Variants in AGT observed in about 807,000 individuals in gnomAD.
The protein encoded by AGT is alpha-1 antiproteinase, antitrypsin.
Under a neutral mutation model 28.1 loss-of-function variants are expected in AGT, and 26 were observed. The ratio of observed to expected loss-of-function variants is 0.92; its 90% CI spans 0.68 to 1.28. The LOEUF is 1.28. Ranked by LOEUF, AGT falls within the 50% of genes most tolerant of loss-of-function variation. The pLI is 0.00. For synonymous variants in AGT, 259 were observed against 259.6 expected (o/e 1.00, Z 0.02); for missense variants, 596 against 592.3 (o/e 1.01, Z -0.06).
intron 1 of AGT, among the ~76,000 whole-genome samples, chr1:230,724,454 AAT>A (rs993830497): frequency 1.2e-4 from 18 of 152,234 alleles, no homozygotes; most frequent in African/African-American, 4.3e-4. Flanking sequence ...ATAATTAGAC[AAT>A]ATGTTTTATC....
chr1:230,721,409 A>G (rs1447795286), intron 1 of AGT, among the ~76,000 whole-genome samples: 6 of 152,252 alleles, frequency 3.9e-5, no homozygotes, highest in African/African-American at 1.4e-4. Context: ...ATGATTGCCT[A>G]TCTCTGCACT....
At position 230,703,667 on chromosome 1, in the gene AGT, G is replaced by T. The variant is rs989055893; in HGVS notation, c.1243-338C>A. 2.0e-5 allele frequency among the ~76,000 whole-genome samples: 3 copies of T among 152,236 alleles called. No homozygotes were observed. The South Asian group carries it at 6.2e-4, about 32-fold the overall frequency. On this transcript the variant is annotated intron_variant, in intron 4 of 4. Transcript: ENST00000366667. Reference sequence around the variant, plus strand: ...TTGGCCATGGCCCACCAGTGCCAGGGCTTAGCTAACTTAGCACAGAGGGCT... The same window carrying T: ...TTGGCCATGGCCCACCAGTGCCAGGTCTTAGCTAACTTAGCACAGAGGGCT...
chr1:230,719,974 G>A (rs527507588), intron 1 of AGT, among the ~76,000 whole-genome samples: 29 of 152,222 alleles, frequency 1.9e-4, no homozygotes, highest in African/African-American at 6.7e-4. Flanking sequence ...GCTCAAACCT[G>A]TCTCCCTGAG....
chr1:230,703,907 A>G (rs1440789151), intron 4 of AGT, among the ~76,000 whole-genome samples: 2 of 152,134 alleles, frequency 1.3e-5, no homozygotes, highest in Admixed American at 1.3e-4. Flanking sequence ...TTTCAACTCC[A>G]CTATAGGAAC....
At position 230,702,825 on chromosome 1, in the gene AGT, T is replaced by C. The variant is rs1803104; in HGVS notation, c.*316A>G. The C allele has an allele frequency of 3.0e-6, 1 of 328,494 alleles. No individual in the cohort carries two copies. 20.3% of individuals were successfully genotyped at this position (328,494 alleles called of 1,614,324 possible). A position where few individuals can be genotyped will look rare whatever the true frequency, so the allele number is the denominator to read the frequency against. The stretch of plus-strand genomic sequence containing the variant: ...TTTGTTTCACAAACAAGCTGGTCGG[T>C]TGGAATTCTTTTTGGAACAGTAGTC... On this transcript the variant is annotated 3_prime_UTR_variant, in exon 5 of 5. Coordinates refer to ENST00000366667, the MANE Select transcript of AGT (RefSeq NM_001384479.1).
intron 1 of AGT, among the ~76,000 whole-genome samples, chr1:230,721,083 G>A (rs1279890551): frequency 2.0e-5 from 3 of 152,238 alleles, no homozygotes. Flanking sequence ...GACTGGCAAA[G>A]GGACCGAGAA....
intron 2 of AGT, among the ~76,000 whole-genome samples, chr1:230,707,530 G>A (rs1020172234): frequency 1.5e-4 from 23 of 152,138 alleles, no homozygotes; most frequent in African/African-American, 5.1e-4. Flanking sequence ...TCCGGGTCTC[G>A]TAAGAAGGCA....
chr1:230,726,262 G>C (rs1344685145), intron 1 of AGT, among the ~76,000 whole-genome samples: 1 of 152,156 alleles, frequency 6.6e-6, no homozygotes, highest in Non-Finnish European at 1.5e-5. Context: ...GACATAGACA[G>C]TGTTATTTTC....
At chr1:230,708,287 CT>C in intron 2 of AGT, among the ~76,000 whole-genome samples, 1 of 152,324 alleles carries the variant, frequency 6.6e-6, no homozygotes, top group East Asian at 1.9e-4. Flanking sequence ...GATGTGCTCT[CT>C]TTCGAAGGGA....
intron 1 of AGT, among the ~76,000 whole-genome samples, chr1:230,745,011 C>T (rs113256964): frequency 7.9e-5 from 12 of 152,190 alleles, no homozygotes; most frequent in African/African-American, 1.7e-4. Context: ...GAAACAGAGC[C>T]GTCTGCCAGG....
chr1:230,737,169 C>T (rs899492289), intron 1 of AGT, among the ~76,000 whole-genome samples: 1 of 152,162 alleles, frequency 6.6e-6, no homozygotes, highest in African/African-American at 2.4e-5. Flanking sequence ...GTTCCCCAAA[C>T]CCTTCATCAA....
intron 1 of AGT, among the ~76,000 whole-genome samples, chr1:230,712,510 C>T (rs1470567500): frequency 6.6e-6 from 1 of 152,230 alleles, no homozygotes; most frequent in Non-Finnish European, 1.5e-5. Flanking sequence ...CCTTTCTGTG[C>T]AGAGAAGCCT....
chr1:230,742,233 T>C (rs1664260326), intron 1 of AGT, among the ~76,000 whole-genome samples: 1 of 152,230 alleles, frequency 6.6e-6, no homozygotes, highest in Non-Finnish European at 1.5e-5. Flanking sequence ...GAAATTTTTA[T>C]GCAGATATAA....
At position 230,706,028 on chromosome 1, in the gene AGT, C is replaced by T. The variant is rs773668192; in HGVS notation, c.1002G>A (p.Leu334=). 1.2e-6 allele frequency: 2 copies of T among 1,614,192 alleles called. No homozygotes were observed. Among genetic ancestry groups the T allele is most frequent in the South Asian group, 2.2e-5 (2 of 91,082 alleles). ...QVPFTESACL[L]LIQPHYASDL... is the part of the protein sequence containing the mutation. The stretch of plus-strand genomic sequence containing the variant: ...CAGAGGCATAGTGAGGCTGGATCAG[C>T]AGCAGGCAGGCGCTCTCAGTGAAGG... Residue 334 remains leucine, a synonymous_variant, in exon 3 of 5, where the codon CTG becomes CTA. Transcript: ENST00000366667.
At chr1:230,722,972 C>T (rs1663875994) in intron 1 of AGT, among the ~76,000 whole-genome samples, 1 of 152,090 alleles carries the variant, frequency 6.6e-6, no homozygotes, top group African/African-American at 2.4e-5. Flanking sequence ...AGCTCTGTGT[C>T]CCCACCCAAA....
chr1:230,742,783 T>A (rs1664269758), intron 1 of AGT, among the ~76,000 whole-genome samples: 1 of 152,190 alleles, frequency 6.6e-6, no homozygotes, highest in Non-Finnish European at 1.5e-5. Flanking sequence ...TTTCCAACCT[T>A]TTTTAATGTA....
chr1:230,712,580 C>G (rs1457459099), intron 1 of AGT, among the ~76,000 whole-genome samples: 1 of 152,208 alleles, frequency 6.6e-6, no homozygotes, highest in East Asian at 1.9e-4. Flanking sequence ...CAGGGGAAAC[C>G]TGTGGGAACC....
upstream of AGT, among the ~76,000 whole-genome samples, chr1:230,716,437 A>G (rs1663738902): frequency 1.3e-5 from 2 of 152,346 alleles, no homozygotes; most frequent in Non-Finnish European, 2.9e-5. Flanking sequence ...GAGGTTCTAC[A>G]TAGAAACCAA....
At chr1:230,736,479 A>G (rs1191968418) in intron 1 of AGT, among the ~76,000 whole-genome samples, 19 of 152,200 alleles carry the variant, frequency 1.2e-4, no homozygotes, top group Admixed American at 1.2e-3. Flanking sequence ...AGATCACTCC[A>G]CTGCACTCCA....
Sources: allele counts gnomAD v4.1 joint callset (sites outside exome capture counted in the v4.1 genomes callset), GRCh38; gene constraint gnomAD v4.1.1; transcripts MANE v1.5; gene names NCBI Gene and HGNC (gene_info 2026-07-23, HGNC 2026-07-21).